The following CCDC47 variants were observed in gnomAD, a reference collection of about 807,000 sequenced individuals.
CCDC47 encodes the protein coiled-coil domain containing 47.
A neutral mutation model predicts 60.5 loss-of-function variants in CCDC47; 41 were observed. That is an observed-to-expected ratio of 0.68 (90% CI 0.53 to 0.88). The LOEUF (loss-of-function observed/expected upper bound fraction) is 0.88, where lower values mean the gene tolerates loss of function less well. Ranked by LOEUF, CCDC47 falls within the 40% of genes least tolerant of loss-of-function variation. CCDC47 has a pLI of 0.00. For missense variants in CCDC47, 513 were observed against 580.9 expected, an observed-to-expected ratio of 0.88 and a Z score of 1.20; for synonymous variants, 195 against 190.7, an observed-to-expected ratio of 1.02 and a Z score of -0.18.
chr17:63,747,468 C>T, intron 12 of CCDC47: 1 of 977,892 alleles, frequency 1.0e-6, no homozygotes, highest in Non-Finnish European at 1.2e-6. Flanking sequence ...TTTGAGACAT[C>T]ATATTTATCA....
chr17:63,752,700 C>T (rs376307617), intron 10 of CCDC47, 41 bp downstream of exon 10: 1 of 1,588,338 alleles, frequency 6.3e-7, no homozygotes, highest in African/African-American at 1.4e-5. Flanking sequence ...AAGGTCATCT[C>T]AGAGAAGACT....
intron 1 of CCDC47, among the ~76,000 whole-genome samples, chr17:63,771,259 G>A (rs544600206): frequency 3.3e-5 from 5 of 152,000 alleles, no homozygotes; most frequent in Admixed American, 2.0e-4. Flanking sequence ...GGTATTATAA[G>A]TAATCTAGAG....
At chr17:63,755,420 G>A (rs2039197967) in intron 8 of CCDC47, 1 of 204,430 alleles carries the variant, frequency 4.9e-6, no homozygotes, top group African/African-American at 2.8e-5. Flanking sequence ...AGGAATTCCA[G>A]ACCAGCCTGG....
intron 6 of CCDC47, among the ~76,000 whole-genome samples, chr17:63,758,384 T>C (rs939186583): frequency 2.0e-5 from 3 of 152,016 alleles, no homozygotes; most frequent in African/African-American, 7.2e-5. Context: ...GTGTCAGAAC[T>C]GAATTGAGGC....
intron 12 of CCDC47, chr17:63,747,294 C>T: frequency 1.0e-6 from 1 of 984,668 alleles, no homozygotes; most frequent in Non-Finnish European, 1.2e-6. Flanking sequence ...GTTCACCATA[C>T]CATTCATGAT....
Position 63,760,963 on chromosome 17 carries a change from T to A in CCDC47, c.686A>T (p.Asp229Val), listed in dbSNP as rs746553888. ...LIQLRFLKRQ[D>V]LLNVLARMMR... is the part of the protein sequence containing the mutation. ...CATCCGGGCCAGGACATTCAGTAAGTCTTGTCTCTTGAGGAACTGAAAAAA... is the reference window on the plus strand; with the variant it reads ...CATCCGGGCCAGGACATTCAGTAAGACTTGTCTCTTGAGGAACTGAAAAAA... The change falls in exon 6 of 13, where the codon GAC becomes GTC. Residue 229 changes from aspartate (D) to valine (V), a missense_variant. Physicochemically the swap from Asp to Val is radical, Grantham distance 152 (BLOSUM62 -3). Transcript: ENST00000225726. The A allele has an allele frequency of 6.2e-7, 1 of 1,613,466 alleles. No individual in the cohort carries two copies. The highest frequency in any genetic ancestry group is 8.5e-7 in the Non-Finnish European group (1 of 1,179,650).
intron 12 of CCDC47, 77 bp downstream of exon 12, chr17:63,751,863 T>C (rs1186405492): frequency 6.6e-7 from 1 of 1,514,344 alleles, no homozygotes. Flanking sequence ...CCTACAAAGA[T>C]TACCTTAACA....
intron 12 of CCDC47, chr17:63,747,396 G>A (rs1598303608): frequency 1.0e-6 from 1 of 984,308 alleles, no homozygotes; most frequent in Non-Finnish European, 1.2e-6. Context: ...GTTATTCATT[G>A]CAAATTTCTT....
At chr17:63,760,062 CAAAAAAAAA>C (rs10643408) in intron 6 of CCDC47, among the ~76,000 whole-genome samples, 3 of 98,460 alleles carry the variant, frequency 3.0e-5, no homozygotes, top group African/African-American at 3.9e-5. Context: ...GACTCCGTCT[CAAAAAAAAA>C]AAAAAAAAAA....
Position 63,752,020 on chromosome 17 carries a change from A to T in CCDC47, c.1291T>A (p.Ser431Thr). ...GCTCTTTTTTTCTCCTCCCGCCGAG[A>T]CTGTGCTGCTTCCTGTCTTTGCACA... ...THVQRQEAAQ[S>T]RREEKKRAEK... The change falls in exon 12 of 13, where the codon TCT becomes ACT. Residue 431 changes from serine to threonine, a missense_variant. Transcript: ENST00000225726. 1 of 1,613,286 alleles carries T rather than the reference A, an allele frequency of 6.2e-7. No homozygotes were observed. The highest frequency in any genetic ancestry group is 8.5e-7 in the Non-Finnish European group (1 of 1,179,860).
intron 4 of CCDC47, chr17:63,762,327 T>C (rs2039267308): frequency 1.3e-6 from 1 of 751,554 alleles, no homozygotes; most frequent in African/African-American, 1.9e-5. Context: ...AAACATACTC[T>C]GAAATACTAT....
Position 63,752,100 on chromosome 17 carries a change from T to G in CCDC47, c.1211A>C (p.Gln404Pro). The G allele has an allele frequency of 6.2e-7, 1 of 1,613,308 alleles. No individual in the cohort carries two copies. Among genetic ancestry groups the G allele is most frequent in the East Asian group, 2.2e-5 (1 of 44,886 alleles). Residue 404 changes from glutamine to proline, a missense_variant, in exon 12 of 13, where the codon CAA becomes CCA. Transcript: ENST00000225726. ...TCGGGCACGGTTCTTATCTGCTTTT[T>G]GTTTGCCCTTCCCCAAGAAACAAAG... ...KKFRLNREGKQKADKNRARVE... is the reference protein window; with the variant it reads ...KKFRLNREGKPKADKNRARVE...
chr17:63,752,170 G>T (rs554820972), intron 11 of CCDC47, 63 bp from the exon 12 acceptor site: 1 of 1,571,800 alleles, frequency 6.4e-7, no homozygotes. Flanking sequence ...ACAAAATCCC[G>T]TTTAGCATTC....
At chr17:63,772,425 T>C (rs1394747603) in intron 1 of CCDC47, among the ~76,000 whole-genome samples, 2 of 151,962 alleles carry the variant, frequency 1.3e-5, no homozygotes, top group Non-Finnish European at 2.9e-5. Context: ...GGCTAATTTT[T>C]TGTATTTTTA....
chr17:63,746,695 C>A lies in CCDC47; in HGVS notation c.*186G>T. On this transcript the variant is annotated 3_prime_UTR_variant, in exon 13 of 13. Coordinates refer to ENST00000225726, the MANE Select transcript of CCDC47 (RefSeq NM_020198.3). ...GAAAAAAAAATTCTTGAAACAGAGC[C>A]CTTTCCAGGTATCTTCAATCTCTGT... 1 of 454,114 alleles carries A rather than the reference C, an allele frequency of 2.2e-6. No homozygotes were observed. 28.1% of individuals were successfully genotyped at this position (454,114 alleles called of 1,614,324 possible). A position where few individuals can be genotyped will look rare whatever the true frequency, so the allele number is the denominator to read the frequency against.
intron 11 of CCDC47, 85 bp downstream of exon 11, chr17:63,752,235 C>T: frequency 7.0e-7 from 1 of 1,418,850 alleles, no homozygotes. Context: ...AAAATTCAGT[C>T]ACTGAAATCA....
Position 63,745,382 on chromosome 17 carries a change from C to T in CCDC47, c.*1499G>A, listed in dbSNP as rs980848052. ...TTTCTTACTCAAAAGATAACTAAGA[C>T]TATCAACTTTGATTTCTAAAATGTA... is the stretch of plus-strand genomic sequence containing the variant. On this transcript the variant is annotated 3_prime_UTR_variant, in exon 13 of 13. Transcript: ENST00000225726. 6.6e-6 allele frequency: 1 copy of T among 152,548 alleles called. No homozygotes were observed. The allele number at this position is 152,548 out of a possible 1,614,324, so 9.4% of individuals were successfully genotyped here.
intron 8 of CCDC47, among the ~76,000 whole-genome samples, chr17:63,754,862 G>T (rs1400162200): frequency 7.0e-6 from 1 of 143,172 alleles, no homozygotes; most frequent in African/African-American, 2.7e-5. Flanking sequence ...CGGTCTGGGC[G>T]ACAGAGCAAC....
Position 63,751,961 on chromosome 17 carries a change from A to G in CCDC47, c.1350T>C (p.Pro450=). The change falls in exon 12 of 13, where the codon CCT becomes CCC. Residue 450 remains proline (P), a synonymous_variant. Transcript: ENST00000225726. ...EKERIMNEED[P]EKQRRLEEAA... is the part of the protein sequence containing the mutation. ...TAACCTCCAGCCTGCGCTGTTTCTC[A>G]GGATCTTCCTCATTCATGATTCGCT... is the stretch of plus-strand genomic sequence containing the variant. The G allele has an allele frequency of 6.2e-7, 1 of 1,613,766 alleles. No individual in the cohort carries two copies. Among genetic ancestry groups the G allele is most frequent in the Non-Finnish European group, 8.5e-7 (1 of 1,180,008 alleles).
Sources: allele counts gnomAD v4.1 joint callset (sites outside exome capture counted in the v4.1 genomes callset), GRCh38; gene constraint gnomAD v4.1.1; transcripts MANE v1.5; gene names NCBI Gene and HGNC (gene_info 2026-07-23, HGNC 2026-07-21).